INO80D: variants seen among roughly 807,000 people sequenced by gnomAD.
INO80D encodes INO80 complex subunit D.
INO80D carries 21 observed loss-of-function variants against 87.6 expected under a neutral mutation model. The observed-to-expected ratio is 0.24, with a 90% CI of 0.17 to 0.35. The LOEUF is 0.35. INO80D is among the 10% of genes least tolerant of loss of function. The probability of loss-of-function intolerance (pLI) is 1.00; values close to 1 mark genes in which losing one functional copy is unlikely to be tolerated. For synonymous variants in INO80D, 440 were observed against 491.0 expected (o/e 0.90, Z 1.37); for missense variants, 982 against 1,280.7 (o/e 0.77, Z 3.56).
intron 5 of INO80D, among the ~76,000 whole-genome samples, chr2:206,035,326 AC>A (rs1204370643): frequency 1.3e-5 from 2 of 152,144 alleles, no homozygotes; most frequent in Non-Finnish European, 2.9e-5. Flanking sequence ...GCAACACACT[AC>A]CTGATTTCAA....
chr2:206,069,100 CTTTAA>C (rs1032784164), intron 1 of INO80D, among the ~76,000 whole-genome samples: 8 of 151,960 alleles, frequency 5.3e-5, no homozygotes, highest in African/African-American at 1.4e-4. Context: ...TGCCTTTAGC[CTTTAA>C]TTTAATCTTT....
intron 1 of INO80D, among the ~76,000 whole-genome samples, chr2:206,072,166 GC>G (rs1689988917): frequency 6.6e-6 from 1 of 152,068 alleles, no homozygotes; most frequent in African/African-American, 2.4e-5. Context: ...CCTTTGCTTT[GC>G]CTGGTTCTAC....
At chr2:206,040,059 A>G (rs1689003244) in intron 5 of INO80D, among the ~76,000 whole-genome samples, 1 of 151,856 alleles carries the variant, frequency 6.6e-6, no homozygotes, top group South Asian at 2.1e-4. Flanking sequence ...TTGGGAGGCC[A>G]AGGTAGGCAG....
intron 1 of INO80D, among the ~76,000 whole-genome samples, chr2:206,077,502 TA>T (rs1191654780): frequency 1.3e-5 from 2 of 152,316 alleles, no homozygotes; most frequent in East Asian, 3.9e-4. Context: ...AAATATTTCC[TA>T]CATTCTATAG....
At chr2:206,054,239 C>T (rs1202340748) in intron 4 of INO80D, among the ~76,000 whole-genome samples, 1 of 148,384 alleles carries the variant, frequency 6.7e-6, no homozygotes, top group African/African-American at 2.5e-5. Flanking sequence ...CCAGATTGGT[C>T]TTGAACTCCT....
rs199660811 is a variant in INO80D at position 206,009,767 on chromosome 2, G to A, written c.1570C>T (p.Arg524Cys). The part of the protein sequence containing the change: ...MDNFLRGDNS[R>C]KVQHQQQRKP... ...CTCTGCTGCTGGTGCTGAACTTTAC[G>A]GGAGTTATCTCCTCTCAAGAAATTA... The change falls in exon 9 of 11, where the codon CGT becomes TGT. Residue 524 changes from arginine (R) to cysteine (C), a missense_variant. By Grantham distance (180) the Arg-to-Cys change is radical. Transcript: ENST00000403263. 33 of 1,612,830 alleles carry A rather than the reference G, an allele frequency of 2.0e-5. No homozygotes were observed. The highest frequency in any genetic ancestry group is 3.3e-5 in the Admixed American group (2 of 59,816).
At chr2:206,080,710 A>C (rs1359935929) in intron 1 of INO80D, among the ~76,000 whole-genome samples, 1 of 151,972 alleles carries the variant, frequency 6.6e-6, no homozygotes, top group Non-Finnish European at 1.5e-5. Context: ...GACCGAGACC[A>C]TCCTGGCTAA....
intron 5 of INO80D, among the ~76,000 whole-genome samples, chr2:206,031,413 G>A (rs1688763083): frequency 6.6e-6 from 1 of 152,150 alleles, no homozygotes; most frequent in African/African-American, 2.4e-5. Context: ...AAAAGGAAAT[G>A]GAGAGGAAAG....
In INO80D at chr2:205,995,561, A is replaced by G. The variant is rs1435416216; in HGVS notation, c.*8807T>C. ...AGTTATATCAACACTATTTATATAC[A>G]TATATATCTGGAGAGCAATATTTCA... On this transcript the variant is annotated 3_prime_UTR_variant, in exon 11 of 11. Transcript: ENST00000403263. 6.6e-6 allele frequency: 1 copy of G among 152,158 alleles called. No individual in the cohort carries two copies. The highest frequency in any genetic ancestry group is 1.5e-5 in the Non-Finnish European group (1 of 67,992). The allele number at this position is 152,158 out of a possible 1,614,324, so 9.4% of individuals were successfully genotyped here.
chr2:206,023,966 C>G (rs1688535745), intron 6 of INO80D, among the ~76,000 whole-genome samples: 1 of 152,092 alleles, frequency 6.6e-6, no homozygotes, highest in Non-Finnish European at 1.5e-5. Context: ...CACACAAATA[C>G]CAAATTTTCC....
rs1687905879 is a variant in INO80D at position 206,001,350 on chromosome 2, AAC to A, written c.*3016_*3017del. The A allele has an allele frequency of 6.6e-6, 1 of 152,342 alleles. No homozygotes were observed. Among genetic ancestry groups the A allele is most frequent in the East Asian group, 1.9e-4 (1 of 5,190 alleles). 9.4% of individuals were successfully genotyped at this position (152,342 alleles called of 1,614,324 possible). ...GCAACTTTGTAAATTAAATCACAGT[AAC>A]ACAATCTAACTGGCCTTTATAAATA... On this transcript the variant is annotated 3_prime_UTR_variant, in exon 11 of 11. Coordinates refer to ENST00000403263, the MANE Select transcript of INO80D (RefSeq NM_017759.5).
At chr2:206,047,471 G>A (rs558241736) in intron 4 of INO80D, among the ~76,000 whole-genome samples, 4 of 151,852 alleles carry the variant, frequency 2.6e-5, no homozygotes, top group South Asian at 2.1e-4. Flanking sequence ...CACCTGCCTC[G>A]GCCTCCCAAA....
At chr2:206,023,876 G>T (rs915803281) in intron 6 of INO80D, among the ~76,000 whole-genome samples, 4 of 152,076 alleles carry the variant, frequency 2.6e-5, no homozygotes, top group African/African-American at 9.7e-5. Context: ...TATCATTAAT[G>T]TTTTTTAAAT....
At position 206,085,338 on chromosome 2, in the gene INO80D, G is replaced by A. The variant is rs540780265; in HGVS notation, c.-124+563C>T. ...TCTTACCGGAATCTGGGGGCCGTCT[G>A]CGAGAGACCCGGGGGAAGGGGAGCC... is the stretch of plus-strand genomic sequence containing the variant. On this transcript the variant is annotated intron_variant, in intron 1 of 10. Coordinates refer to ENST00000403263, the MANE Select transcript of INO80D (RefSeq NM_017759.5). This position sits in a 1 kb window ranked among gnomAD's most constrained non-coding sequence, Gnocchi z 4.5. 6.6e-6 allele frequency among the ~76,000 whole-genome samples: 1 copy of A among 151,914 alleles called. No homozygotes were observed. Among genetic ancestry groups the A allele is most frequent in the South Asian group, 2.1e-4 (1 of 4,824 alleles).
Position 205,999,385 on chromosome 2 carries a change from T to G in INO80D, c.*4983A>C, listed in dbSNP as rs1687865664. 1 of 152,216 alleles carries G rather than the reference T, an allele frequency of 6.6e-6. No individual in the cohort carries two copies. Among genetic ancestry groups the G allele is most frequent in the African/African-American group, 2.4e-5 (1 of 41,458 alleles). 9.4% of individuals were successfully genotyped at this position (152,216 alleles called of 1,614,324 possible). On this transcript the variant is annotated 3_prime_UTR_variant, in exon 11 of 11. Coordinates refer to ENST00000403263, the MANE Select transcript of INO80D (RefSeq NM_017759.5). ...CACTGAGAGTTAGATTTTTCTCTTATACGAGTATTGATCTAAACTTTAGAT... is the reference window on the plus strand; with the variant it reads ...CACTGAGAGTTAGATTTTTCTCTTAGACGAGTATTGATCTAAACTTTAGAT...
chr2:206,039,215 T>C (rs559865753), intron 5 of INO80D, among the ~76,000 whole-genome samples: 4 of 151,836 alleles, frequency 2.6e-5, no homozygotes, highest in African/African-American at 7.3e-5. Flanking sequence ...CTGACCAACA[T>C]GGAAAAACCC....
At chr2:206,076,523 T>C (rs1690120896) in intron 1 of INO80D, among the ~76,000 whole-genome samples, 1 of 152,196 alleles carries the variant, frequency 6.6e-6, no homozygotes, top group South Asian at 2.1e-4. Flanking sequence ...TCAACTGATG[T>C]GACTGGAAGA....
At position 206,020,270 on chromosome 2, in the gene INO80D, TGTAAA is replaced by T. The variant is rs546855212; in HGVS notation, c.1299-430_1299-426del. ...TCATTTAAACCCCAATTTTCTCACC[TGTAAA>T]GTAGAGACAATAAGGTACCTTGAGC... On this transcript the variant is annotated intron_variant, in intron 6 of 10. Transcript: ENST00000403263. Among the ~76,000 whole-genome samples, 34 of 152,274 alleles carry T rather than the reference TGTAAA, an allele frequency of 2.2e-4. No individual in the cohort carries two copies. The South Asian group carries it at 6.6e-3, about 30-fold the overall frequency.
At chr2:206,021,452 T>A (rs1276684140) in intron 6 of INO80D, among the ~76,000 whole-genome samples, 1 of 152,254 alleles carries the variant, frequency 6.6e-6, no homozygotes, top group Non-Finnish European at 1.5e-5. Flanking sequence ...AGTTTATTCC[T>A]AATAGTTTAT....
Sources: gnomAD v4.1 joint callset for allele counts (sites outside exome capture counted in the v4.1 genomes callset) on GRCh38, gnomAD v4.1.1 for gene constraint, Gnocchi (gnomAD v3.1) non-coding constraint, MANE v1.5 for transcripts, NCBI Gene and HGNC (gene_info 2026-07-23, HGNC 2026-07-21) for gene names.